STIM1: variants seen among roughly 807,000 people sequenced by gnomAD.
The protein encoded by STIM1 is stromal interaction molecule 1.
STIM1 carries 25 observed loss-of-function variants against 74.7 expected under a neutral mutation model. The observed-to-expected ratio is 0.33, with a 90% confidence interval of 0.24 to 0.47. The LOEUF (loss-of-function observed/expected upper bound fraction) is 0.47. STIM1 is among the 20% of genes least tolerant of loss of function. The probability of loss-of-function intolerance (pLI) is 1.00; values close to 1 mark genes in which losing one functional copy is unlikely to be tolerated. For missense variants in STIM1, 728 were observed against 920.8 expected (o/e 0.79, Z 2.71); for synonymous variants, 328 against 348.8 (o/e 0.94, Z 0.66).
At chr11:3,854,652 G>C (rs1334525336), upstream of STIM1, 1 of 152,282 alleles carries the variant, frequency 6.6e-6, no homozygotes, top group African/African-American at 2.4e-5. Flanking sequence ...CTCCACCAGA[G>C]AGGTAGCTGG....
At chr11:3,960,792 A>G (rs1453417883) in intron 1 of STIM1, among the ~76,000 whole-genome samples, 2 of 152,238 alleles carry the variant, frequency 1.3e-5, no homozygotes, top group African/African-American at 4.8e-5. Context: ...GAATGTAGCT[A>G]TAAGATTATG....
intron 6 of STIM1, 78 bp downstream of exon 6, chr11:4,070,281 C>G (rs1276213755): frequency 6.4e-7 from 1 of 1,559,748 alleles, no homozygotes; most frequent in Non-Finnish European, 8.8e-7. Context: ...GTGTGAGCCA[C>G]TTGGCCCCTG....
At chr11:3,958,558 G>A (rs2093246309) in intron 1 of STIM1, among the ~76,000 whole-genome samples, 1 of 152,156 alleles carries the variant, frequency 6.6e-6, no homozygotes, top group Non-Finnish European at 1.5e-5. Flanking sequence ...CCTAGCCTAG[G>A]GGTATGACTC....
intron 5 of STIM1, among the ~76,000 whole-genome samples, chr11:4,066,068 T>A (rs1434300795): frequency 6.6e-6 from 1 of 152,188 alleles, no homozygotes; most frequent in Non-Finnish European, 1.5e-5. Context: ...ACCACTTCCC[T>A]TGTCTCAGGC....
chr11:3,935,337 G>T (rs867695472), intron 1 of STIM1, among the ~76,000 whole-genome samples: 3 of 152,202 alleles, frequency 2.0e-5, no homozygotes, highest in Non-Finnish European at 4.4e-5. Context: ...CTAGACACTG[G>T]TCTTCCAACT....
chr11:4,066,584 T>C (rs1032271666), intron 5 of STIM1, among the ~76,000 whole-genome samples: 1 of 151,976 alleles, frequency 6.6e-6, no homozygotes, highest in Admixed American at 6.6e-5. Flanking sequence ...GCAGTGACTC[T>C]CTCCTGTAAT....
intron 2 of STIM1, among the ~76,000 whole-genome samples, chr11:3,983,282 C>T (rs2093525306): frequency 6.6e-6 from 1 of 152,128 alleles, no homozygotes; most frequent in Non-Finnish European, 1.5e-5. Flanking sequence ...TGCAGTGGTG[C>T]TTTGAAGTCT....
intron 7 of STIM1, among the ~76,000 whole-genome samples, chr11:4,074,925 G>C (rs1292741930): frequency 6.6e-6 from 1 of 152,164 alleles, no homozygotes; most frequent in Non-Finnish European, 1.5e-5. Flanking sequence ...GATCACCTGA[G>C]GTTAGGAGAT....
chr11:4,002,298 C>G (rs2093726324), intron 2 of STIM1, among the ~76,000 whole-genome samples: 1 of 148,902 alleles, frequency 6.7e-6, no homozygotes, highest in African/African-American at 2.4e-5. Flanking sequence ...TTTTCAGCAC[C>G]ACACCATGCC....
At chr11:3,907,287 A>G (rs1194483659) in intron 1 of STIM1, among the ~76,000 whole-genome samples, 1 of 152,236 alleles carries the variant, frequency 6.6e-6, no homozygotes, top group Admixed American at 6.5e-5. Flanking sequence ...ACATAATTTT[A>G]ACTATCATCT....
intron 1 of STIM1, among the ~76,000 whole-genome samples, chr11:3,897,221 C>T (rs1012912074): frequency 6.6e-6 from 1 of 152,150 alleles, no homozygotes; most frequent in Non-Finnish European, 1.5e-5. Context: ...CCAAATCTGG[C>T]TTGAGTTCCA....
At chr11:3,909,651 C>T (rs1244409076) in intron 1 of STIM1, among the ~76,000 whole-genome samples, 1 of 151,890 alleles carries the variant, frequency 6.6e-6, no homozygotes, top group African/African-American at 2.4e-5. Flanking sequence ...GGTGAAACTC[C>T]GTCTCTACTA....
At chr11:3,940,069 TAA>T (rs2092986374) in intron 1 of STIM1, among the ~76,000 whole-genome samples, 1 of 152,246 alleles carries the variant, frequency 6.6e-6, no homozygotes, top group African/African-American at 2.4e-5. Context: ...TTTTCTTGGT[TAA>T]GAGACCTTTT....
At chr11:3,926,375 T>C (rs1417655419) in intron 1 of STIM1, among the ~76,000 whole-genome samples, 4 of 152,208 alleles carry the variant, frequency 2.6e-5, no homozygotes, top group East Asian at 1.9e-4. Flanking sequence ...ACAGTTAACA[T>C]TGGTAAAGCA....
At chr11:3,912,216 T>C (rs1590558034) in intron 1 of STIM1, among the ~76,000 whole-genome samples, 1 of 89,724 alleles carries the variant, frequency 1.1e-5, no homozygotes, top group African/African-American at 4.3e-5. Flanking sequence ...CCTTCTCCCC[T>C]CCCTTCTCCC....
At position 4,059,375 on chromosome 11, in the gene STIM1, G is replaced by A. The variant is rs752494097; in HGVS notation, c.592G>A (p.Val198Met). ...GCTGCAGCTGAAGGCTCTGGATACAGTGCTCTTTGGGCCTCCTCTCTGTGA... is the reference window on the plus strand; with the variant it reads ...GCTGCAGCTGAAGGCTCTGGATACAATGCTCTTTGGGCCTCCTCTCTGTGA... The part of the protein sequence containing the change: ...QKLQLKALDT[V>M]LFGPPLLTRH... The change falls in exon 5 of 13, where the codon GTG becomes ATG. Residue 198 changes from valine to methionine, a missense_variant. Physicochemically the swap from Val to Met is conservative, Grantham distance 21 (BLOSUM62 1). Coordinates refer to ENST00000526596, the MANE Select transcript of STIM1 (RefSeq NM_001382567.1). The A allele has an allele frequency of 1.2e-6, 2 of 1,613,998 alleles. No homozygotes were observed. Among genetic ancestry groups the A allele is most frequent in the East Asian group, 4.5e-5 (2 of 44,894 alleles).
chr11:3,909,760 C>G (rs2092529975), intron 1 of STIM1, among the ~76,000 whole-genome samples: 2 of 149,440 alleles, frequency 1.3e-5, no homozygotes, highest in African/African-American at 5.0e-5. Flanking sequence ...GCACTGCACT[C>G]CAGCCTGGGT....
At position 4,088,806 on chromosome 11, in the gene STIM1, C is replaced by G. The variant is rs2094507647; in HGVS notation, c.1634+2263C>G. 11 of 1,474,460 alleles carry G rather than the reference C, an allele frequency of 7.5e-6. No homozygotes were observed. In the South Asian group the frequency reaches 9.7e-5, roughly 13 times the overall value. The allele number at this position is 1,474,460 out of a possible 1,614,324, so 91.3% of individuals were successfully genotyped here. A position where few individuals can be genotyped will look rare whatever the true frequency, so the allele number is the denominator to read the frequency against. On this transcript the variant is annotated intron_variant, in intron 12 of 12. Transcript: ENST00000526596. ...GGGAGGGACCTCTGGCCTGATTGTT[C>G]TCAGTGATTCAGGGAGGGAAGGTGA... is the stretch of plus-strand genomic sequence containing the variant.
At chr11:4,059,512 T>A in intron 5 of STIM1, 116 bp downstream of exon 5, 2 of 780,584 alleles carry the variant, frequency 2.6e-6, no homozygotes, top group Non-Finnish European at 4.4e-6. Flanking sequence ...ATAGCACCTA[T>A]ACTATTTCCA....
Sources: allele counts gnomAD v4.1 joint callset (sites outside exome capture counted in the v4.1 genomes callset), GRCh38; gene constraint gnomAD v4.1.1; transcripts MANE v1.5; gene names NCBI Gene and HGNC (gene_info 2026-07-23, HGNC 2026-07-21).